NSD1: variants seen among roughly 807,000 people sequenced by gnomAD.
NSD1 encodes nuclear receptor binding SET domain protein 1.
In NSD1, 26 loss-of-function variants were observed where a neutral mutation model predicts 242.7. The ratio of observed to expected loss-of-function variants is 0.11; its 90% CI spans 0.08 to 0.15. The LOEUF is 0.15. NSD1 is among the 10% of genes least tolerant of loss of function. The pLI is 1.00. For missense variants in NSD1, 2,495 were observed against 3,272.8 expected (o/e 0.76, Z 5.80); for synonymous variants, 1,106 against 1,178.1 (o/e 0.94, Z 1.25).
chr5:177,175,833 C>T (rs893243311), intron 2 of NSD1, among the ~76,000 whole-genome samples: 1 of 151,414 alleles, frequency 6.6e-6, no homozygotes, highest in Non-Finnish European at 1.5e-5. Context: ...TTCGATTTTA[C>T]AACAAAGCAT....
At chr5:177,287,736 C>T (rs1759451393) in intron 20 of NSD1, among the ~76,000 whole-genome samples, 1 of 152,178 alleles carries the variant, frequency 6.6e-6, no homozygotes, top group South Asian at 2.1e-4. Context: ...ATGACCCTCC[C>T]GTTAACATTG....
At chr5:177,277,650 G>T (rs1758503881) in intron 17 of NSD1, among the ~76,000 whole-genome samples, 1 of 151,942 alleles carries the variant, frequency 6.6e-6, no homozygotes, top group South Asian at 2.1e-4. Context: ...AAGAAACAAT[G>T]ATTAAAACAT....
At chr5:177,246,292 G>A (rs997075482) in intron 9 of NSD1, among the ~76,000 whole-genome samples, 14 of 152,114 alleles carry the variant, frequency 9.2e-5, no homozygotes, top group African/African-American at 3.1e-4. Context: ...ATCATATAGT[G>A]ATTTGTATTA....
At chr5:177,139,003 A>G (rs1756582500) in intron 2 of NSD1, among the ~76,000 whole-genome samples, 2 of 149,374 alleles carry the variant, frequency 1.3e-5, no homozygotes, top group Non-Finnish European at 3.0e-5. Context: ...TAATCCCAGC[A>G]CTTTGGGAGG....
Position 177,134,124 on chromosome 5 carries a change from C to CCCTCCT in NSD1, c.-18+175_-18+180dup, listed in dbSNP as rs1756089086. The CCCTCCT allele has an allele frequency of 6.6e-6, 1 of 151,174 alleles. No individual in the cohort carries two copies. The highest frequency in any genetic ancestry group is 6.6e-5 in the Admixed American group (1 of 15,232). The allele number at this position is 151,174 out of a possible 1,614,324, so 9.4% of individuals were successfully genotyped here. A position where few individuals can be genotyped will look rare whatever the true frequency, so the allele number is the denominator to read the frequency against. On this transcript the variant is annotated intron_variant, in intron 1 of 22. Coordinates refer to ENST00000439151, the MANE Select transcript of NSD1 (RefSeq NM_022455.5). This position sits in a 1 kb window ranked among gnomAD's most constrained non-coding sequence, Gnocchi z 4.2. The stretch of plus-strand genomic sequence containing the variant: ...GCAGCCGCCGGCCTCCTCCCCCTCC[C>CCCTCCT]CCTCCTCCATCACTACCAGCCGGGC...
At position 177,134,658 on chromosome 5, in the gene NSD1, G is replaced by C. The variant is rs1756153498; in HGVS notation, c.-17-429G>C. Among the ~76,000 whole-genome samples, 1 of 152,186 alleles carries C rather than the reference G, an allele frequency of 6.6e-6. No homozygotes were observed. Among genetic ancestry groups the C allele is most frequent in the Non-Finnish European group, 1.5e-5 (1 of 68,028 alleles). On this transcript the variant is annotated intron_variant, in intron 1 of 22. Transcript: ENST00000439151. This position sits in a 1 kb window ranked among gnomAD's most constrained non-coding sequence, Gnocchi z 4.2. ...TGACCGCTGCGCCCTAGCGAGCCAG[G>C]AAGGGGGGGGTACCTTTTTGTGCAG...
chr5:177,267,860 T>TA, intron 15 of NSD1, 142 bp downstream of exon 15: 1 of 822,100 alleles, frequency 1.2e-6, no homozygotes, highest in Non-Finnish European at 2.0e-6. Context: ...TTTTTCCTTA[T>TA]AGGAAGAGAA....
At chr5:177,188,029 A>G (rs1434950283) in intron 2 of NSD1, among the ~76,000 whole-genome samples, 1 of 152,190 alleles carries the variant, frequency 6.6e-6, no homozygotes, top group Non-Finnish European at 1.5e-5. Flanking sequence ...CTGCCAGTCT[A>G]AGCCTGGAAG....
At chr5:177,162,391 T>G (rs1186326246) in intron 2 of NSD1, among the ~76,000 whole-genome samples, 1 of 143,670 alleles carries the variant, frequency 7.0e-6, no homozygotes, top group African/African-American at 2.6e-5. Context: ...GAAGTCATTA[T>G]AGTTTGTTTG....
Position 177,269,755 on chromosome 5 carries a change from C to T in NSD1, c.5457C>T (p.Asp1819=), listed in dbSNP as rs1211226803. The T allele has an allele frequency of 8.7e-6, 14 of 1,613,956 alleles. No homozygotes were observed. The highest frequency in any genetic ancestry group is 6.6e-5 in the South Asian group (6 of 91,064). The change falls in exon 16 of 23, where the codon GAC becomes GAT. Residue 1819 remains aspartate (D), a synonymous_variant. Transcript: ENST00000439151. The surrounding 1 kb of genome is among the most constrained non-coding windows in gnomAD (Gnocchi z 5.1). ...QARVFPYMEG[D]VSSKDKMGKG... ...GAGTCTTCCCTTACATGGAGGGTGA[C>T]GTGAGCAGCAAGGATAAGATGGGCA...
intron 3 of NSD1, among the ~76,000 whole-genome samples, chr5:177,193,735 C>G (rs919744323): frequency 5.9e-5 from 9 of 152,144 alleles, no homozygotes; most frequent in African/African-American, 2.2e-4. Flanking sequence ...TTCTTCACTC[C>G]TTTCAACAGG....
At chr5:177,259,124 C>T (rs543664330) in intron 13 of NSD1, among the ~76,000 whole-genome samples, 12 of 152,304 alleles carry the variant, frequency 7.9e-5, no homozygotes, top group African/African-American at 2.2e-4. Context: ...CTTGAGCCAC[C>T]GCGCCTGGAA....
Position 177,295,213 on chromosome 5 carries a change from G to A in NSD1, c.7845G>A (p.Lys2615=), listed in dbSNP as rs1760174824. Residue 2615 remains lysine, a synonymous_variant, in exon 23 of 23, where the codon AAG becomes AAA. Coordinates refer to ENST00000439151, the MANE Select transcript of NSD1 (RefSeq NM_022455.5). The surrounding 1 kb of genome is among the most constrained non-coding windows in gnomAD (Gnocchi z 4.3). Reference sequence around the variant, plus strand: ...CAGCCTCCCTCCCCACTGAAGAAAAGAAGTTGGTAACCACAGAGCAAAGTC... The same window carrying A: ...CAGCCTCCCTCCCCACTGAAGAAAAAAAGTTGGTAACCACAGAGCAAAGTC... The part of the protein sequence containing the change: ...KAPASLPTEE[K]KLVTTEQSPW... The A allele has an allele frequency of 6.2e-7, 1 of 1,614,250 alleles. No homozygotes were observed. Among genetic ancestry groups the A allele is most frequent in the African/African-American group, 1.3e-5 (1 of 75,072 alleles).
At chr5:177,202,119 G>A (rs1258380344) in intron 3 of NSD1, among the ~76,000 whole-genome samples, 1 of 150,982 alleles carries the variant, frequency 6.6e-6, no homozygotes, top group Non-Finnish European at 1.5e-5. Flanking sequence ...AGTGAGCCAA[G>A]ATCATGCCAT....
At position 177,136,033 on chromosome 5, in the gene NSD1, A is replaced by G; in HGVS notation, c.927+3A>G. ...CTACTTCACAGGAATTGCCATTTGT[A>G]AGCAGTTTTTGGTACAACTTAAATA... On this transcript the variant is annotated splice_donor_region_variant and intron_variant, in intron 2 of 22. Coordinates refer to ENST00000439151, the MANE Select transcript of NSD1 (RefSeq NM_022455.5). The G allele has an allele frequency of 6.2e-7, 1 of 1,613,620 alleles. No individual in the cohort carries two copies. Among genetic ancestry groups the G allele is most frequent in the East Asian group, 2.2e-5 (1 of 44,870 alleles).
intron 7 of NSD1, 87 bp from the exon 8 acceptor site, chr5:177,239,669 A>C: frequency 1.3e-6 from 1 of 764,794 alleles, no homozygotes; most frequent in Non-Finnish European, 2.3e-6. Flanking sequence ...AAACATTGAG[A>C]TTCATTTTGT....
chr5:177,223,941 A>G (rs1764435682), intron 5 of NSD1, among the ~76,000 whole-genome samples: 1 of 152,236 alleles, frequency 6.6e-6, no homozygotes, highest in South Asian at 2.1e-4. Context: ...AGCTGAGATC[A>G]TGCCACTGCA....
chr5:177,179,933 C>T (rs1487317692), intron 2 of NSD1, among the ~76,000 whole-genome samples: 1 of 151,730 alleles, frequency 6.6e-6, no homozygotes, highest in African/African-American at 2.4e-5. Context: ...TTGAGACTTG[C>T]CCTGTCGCTC....
At chr5:177,235,087 T>G (rs1008059346) in intron 5 of NSD1, among the ~76,000 whole-genome samples, 1 of 152,222 alleles carries the variant, frequency 6.6e-6, no homozygotes, top group South Asian at 2.1e-4. Flanking sequence ...TAAGTACTTA[T>G]GTGTGAATAA....
Sources: gnomAD v4.1 joint callset for allele counts (sites outside exome capture counted in the v4.1 genomes callset) on GRCh38, gnomAD v4.1.1 for gene constraint, Gnocchi (gnomAD v3.1) non-coding constraint, MANE v1.5 for transcripts, NCBI Gene and HGNC (gene_info 2026-07-23, HGNC 2026-07-21) for gene names.